The following SPIRE1 variants were observed in gnomAD, a reference collection of about 807,000 sequenced individuals.
SPIRE1 encodes protein spire homolog 1.
Under a neutral mutation model 94.1 loss-of-function variants are expected in SPIRE1, and 40 were observed. The observed-to-expected ratio is 0.43, with a 90% CI of 0.33 to 0.55. SPIRE1 has a LOEUF of 0.55. SPIRE1 is among the 20% of genes least tolerant of loss of function. The pLI is 0.06. For missense variants in SPIRE1, 838 were observed against 975.2 expected (o/e 0.86, Z 1.87); for synonymous variants, 376 against 371.7 (o/e 1.01, Z -0.13).
chr18:12,564,589 G>C (rs902905673), intron 2 of SPIRE1, among the ~76,000 whole-genome samples: 1 of 152,306 alleles, frequency 6.6e-6, no homozygotes, highest in African/African-American at 2.4e-5. Flanking sequence ...ATACAGATGA[G>C]AGCAGAGGGC....
intron 16 of SPIRE1, chr18:12,450,407 A>G (rs924593118): frequency 1.9e-5 from 8 of 422,494 alleles, no homozygotes; most frequent in African/African-American, 1.6e-4. Flanking sequence ...ATGTCTTATT[A>G]AGACAGGCAC....
chr18:12,493,898 T>C (rs2033337530), intron 7 of SPIRE1, among the ~76,000 whole-genome samples: 1 of 152,060 alleles, frequency 6.6e-6, no homozygotes, highest in Admixed American at 6.6e-5. Context: ...TTTTGTGTTT[T>C]TGTTTTGTTT....
At chr18:12,608,788 C>T (rs2037057632) in intron 2 of SPIRE1, among the ~76,000 whole-genome samples, 1 of 152,152 alleles carries the variant, frequency 6.6e-6, no homozygotes, top group African/African-American at 2.4e-5. Context: ...TTCTCTAATC[C>T]TTACAACAAC....
At chr18:12,568,742 G>A (rs1351927578) in intron 2 of SPIRE1, among the ~76,000 whole-genome samples, 1 of 152,082 alleles carries the variant, frequency 6.6e-6, no homozygotes, top group East Asian at 1.9e-4. Context: ...TAAACAGTAA[G>A]GACTCAAAAG....
At chr18:12,586,942 C>A (rs1471723579) in intron 2 of SPIRE1, among the ~76,000 whole-genome samples, 1 of 152,228 alleles carries the variant, frequency 6.6e-6, no homozygotes, top group Non-Finnish European at 1.5e-5. Context: ...CTGAAACAGT[C>A]TATTACTAGA....
chr18:12,549,885 A>T (rs2035299797), intron 2 of SPIRE1, among the ~76,000 whole-genome samples: 1 of 152,110 alleles, frequency 6.6e-6, no homozygotes, highest in East Asian at 1.9e-4. Flanking sequence ...CATAGCAAAG[A>T]CCCAAGAATC....
chr18:12,554,128 G>A (rs565156184), intron 2 of SPIRE1, among the ~76,000 whole-genome samples: 19 of 151,974 alleles, frequency 1.3e-4, no homozygotes, highest in African/African-American at 1.4e-4. Flanking sequence ...GTGAAACCCC[G>A]TCTCTACTAA....
intron 9 of SPIRE1, among the ~76,000 whole-genome samples, chr18:12,482,465 AAAAT>A (rs113161385): frequency 6.6e-5 from 10 of 152,150 alleles, no homozygotes; most frequent in African/African-American, 9.7e-5. Context: ...AATGTGCTGC[AAAAT>A]AAATAAATAA....
intron 16 of SPIRE1, chr18:12,451,145 C>G: frequency 3.3e-6 from 1 of 303,962 alleles, no homozygotes; most frequent in Non-Finnish European, 6.2e-6. Context: ...GGGTATTCAT[C>G]TGATTCCCAA....
At chr18:12,462,740 T>A (rs1449898798) in intron 12 of SPIRE1, among the ~76,000 whole-genome samples, 1 of 151,938 alleles carries the variant, frequency 6.6e-6, no homozygotes, top group South Asian at 2.1e-4. Flanking sequence ...TTGCTAAGAG[T>A]TTTTTTGGTC....
rs560705224 is a variant in SPIRE1, at chr18:12,448,495, T to A, written c.*1143A>T. 2 of 152,326 alleles carry A rather than the reference T, an allele frequency of 1.3e-5. No homozygotes were observed. The highest frequency in any genetic ancestry group is 4.8e-5 in the African/African-American group (2 of 41,564). The allele number at this position is 152,326 out of a possible 1,614,324, so 9.4% of individuals were successfully genotyped here. On this transcript the variant is annotated 3_prime_UTR_variant, in exon 17 of 17. Transcript: ENST00000409402. The surrounding 1 kb of genome is among the most constrained non-coding windows in gnomAD (Gnocchi z 4.4). Reference sequence around the variant, plus strand: ...TGAGGCATACAATGCTACCCTCCAGTCTACTTTCGTCAGAAACCAAACCTA... The same window carrying A: ...TGAGGCATACAATGCTACCCTCCAGACTACTTTCGTCAGAAACCAAACCTA...
At chr18:12,451,040 G>T in intron 16 of SPIRE1, 3 of 486,346 alleles carry the variant, frequency 6.2e-6, no homozygotes, top group South Asian at 2.2e-5. Flanking sequence ...GGAGGAGGAG[G>T]AGGAGGAGGA....
At chr18:12,470,421 G>A (rs1281324025) in intron 10 of SPIRE1, among the ~76,000 whole-genome samples, 1 of 152,100 alleles carries the variant, frequency 6.6e-6, no homozygotes, top group African/African-American at 2.4e-5. Flanking sequence ...AAGTGTTAAT[G>A]GCCCACTGTC....
chr18:12,657,487 G>A, intron 1 of SPIRE1, 43 bp downstream of exon 1: 3 of 1,218,668 alleles, frequency 2.5e-6, no homozygotes, highest in Non-Finnish European at 3.1e-6. Flanking sequence ...CCCAGCCGCG[G>A]GTGTTCCAAG....
intron 3 of SPIRE1, among the ~76,000 whole-genome samples, chr18:12,546,425 G>T (rs1252536513): frequency 6.6e-6 from 1 of 151,974 alleles, no homozygotes; most frequent in Non-Finnish European, 1.5e-5. Context: ...TTGAGCCCAG[G>T]GGTTCAAAAC....
intron 2 of SPIRE1, among the ~76,000 whole-genome samples, chr18:12,552,239 A>G (rs1180474304): frequency 2.0e-5 from 3 of 152,254 alleles, no homozygotes; most frequent in Admixed American, 6.5e-5. Flanking sequence ...ACTCCTGGCA[A>G]GTCCTGGTGC....
At chr18:12,528,136 T>A (rs1426840797) in intron 4 of SPIRE1, among the ~76,000 whole-genome samples, 1 of 151,598 alleles carries the variant, frequency 6.6e-6, no homozygotes, top group Non-Finnish European at 1.5e-5. Flanking sequence ...ATCTCATTGA[T>A]GGAGGCCCCA....
At chr18:12,535,181 A>C (rs1473548296) in intron 4 of SPIRE1, among the ~76,000 whole-genome samples, 3 of 152,250 alleles carry the variant, frequency 2.0e-5, no homozygotes, top group African/African-American at 7.2e-5. Flanking sequence ...GGTGGAAAGC[A>C]AGTCACATGA....
At chr18:12,454,192 A>T (rs1430554559) in intron 13 of SPIRE1, among the ~76,000 whole-genome samples, 154 bp downstream of exon 13, 1 of 152,200 alleles carries the variant, frequency 6.6e-6, no homozygotes, top group African/African-American at 2.4e-5. Context: ...TGAACGAGAC[A>T]GCACATGTAC....
Sources: gnomAD v4.1 joint callset for allele counts (sites outside exome capture counted in the v4.1 genomes callset) on GRCh38, gnomAD v4.1.1 for gene constraint, Gnocchi (gnomAD v3.1) non-coding constraint, MANE v1.5 for transcripts, NCBI Gene and HGNC (gene_info 2026-07-23, HGNC 2026-07-21) for gene names.